Variants in CNTNAP2 observed in about 807,000 individuals in gnomAD.
CNTNAP2 encodes contactin-associated protein-like 2.
In CNTNAP2, 98 loss-of-function variants were observed where a neutral mutation model predicts 155.2. The ratio of observed to expected loss-of-function variants is 0.63; its 90% CI spans 0.54 to 0.75. The LOEUF is 0.75. CNTNAP2 is among the 30% of genes least tolerant of loss of function. CNTNAP2 has a pLI of 0.00. For missense variants in CNTNAP2, 1,727 were observed against 1,688.1 expected (o/e 1.02, Z -0.40); for synonymous variants, 651 against 631.2 (o/e 1.03, Z -0.47).
intron 9 of CNTNAP2, among the ~76,000 whole-genome samples, chr7:147,348,894 C>G (rs1056232363): frequency 6.6e-6 from 1 of 151,894 alleles, no homozygotes; most frequent in African/African-American, 2.4e-5. Context: ...ATAGAAAGTT[C>G]ACCACCACAT....
intron 16 of CNTNAP2, among the ~76,000 whole-genome samples, chr7:148,129,882 A>G (rs1030362677): frequency 6.6e-6 from 1 of 152,224 alleles, no homozygotes; most frequent in African/African-American, 2.4e-5. Flanking sequence ...TTTTCATGCC[A>G]GGGTTCTCAG....
intron 13 of CNTNAP2, among the ~76,000 whole-genome samples, chr7:147,848,552 G>A (rs916784131): frequency 8.6e-5 from 13 of 151,478 alleles, no homozygotes; most frequent in East Asian, 2.0e-4. Context: ...GAAATCACCC[G>A]TCTTCTGCGT....
intron 13 of CNTNAP2, among the ~76,000 whole-genome samples, chr7:147,711,572 G>C (rs1448440011): frequency 6.6e-6 from 1 of 152,148 alleles, no homozygotes; most frequent in South Asian, 2.1e-4. Context: ...GGAGCATGTG[G>C]CAATCCAGAC....
At chr7:146,407,528 G>T (rs773433071) in intron 1 of CNTNAP2, among the ~76,000 whole-genome samples, 3 of 152,238 alleles carry the variant, frequency 2.0e-5, no homozygotes, top group South Asian at 4.2e-4. Context: ...ATTTTGGTGT[G>T]CCACGGCTAC....
chr7:148,256,774 C>T (rs368743313), intron 20 of CNTNAP2, among the ~76,000 whole-genome samples: 1 of 152,116 alleles, frequency 6.6e-6, no homozygotes, highest in African/African-American at 2.4e-5. Context: ...GCTCTTGGAC[C>T]GGAGAGCCCC....
At chr7:146,375,337 G>C (rs1795290414) in intron 1 of CNTNAP2, among the ~76,000 whole-genome samples, 1 of 152,222 alleles carries the variant, frequency 6.6e-6, no homozygotes, top group Non-Finnish European at 1.5e-5. Context: ...GACATCTGCA[G>C]AGACATGCGG....
intron 13 of CNTNAP2, among the ~76,000 whole-genome samples, chr7:147,819,432 C>A (rs999830857): frequency 2.6e-5 from 4 of 152,106 alleles, no homozygotes; most frequent in African/African-American, 7.2e-5. Context: ...ATAATGAATT[C>A]TGTATTCCAG....
chr7:147,096,236 G>A (rs1800529399), intron 4 of CNTNAP2, among the ~76,000 whole-genome samples: 1 of 152,214 alleles, frequency 6.6e-6, no homozygotes, highest in African/African-American at 2.4e-5. Context: ...ATGTGGGCCA[G>A]TAGCTAGCAG....
In CNTNAP2 at chr7:148,405,420, A is replaced by ATTTTT. The variant is rs36020816; in HGVS notation, c.3716-3949_3716-3945dup. On this transcript the variant is annotated intron_variant, in intron 22 of 23. Transcript: ENST00000361727. ...TCAAGGGAACCAGATTACCATTGTA[A>ATTTTT]TTTTTTTTTTTTTTTTTTTTTTTTT... Among the ~76,000 whole-genome samples the ATTTTT allele has an allele frequency of 2.5e-3, 160 of 64,308 alleles. 40 individuals carry two copies. The highest frequency in any genetic ancestry group is 0.012 in the African/African-American group (148 of 12,654). The allele number at this position is 64,308 out of a possible 152,430, so 42.2% of individuals were successfully genotyped here.
intron 8 of CNTNAP2, among the ~76,000 whole-genome samples, chr7:147,234,829 GT>G: frequency 6.6e-6 from 1 of 152,230 alleles, no homozygotes; most frequent in Middle Eastern, 3.4e-3. Context: ...TTAGTTTCAA[GT>G]TTTGCATCTT....
At chr7:146,220,217 T>C (rs766216778) in intron 1 of CNTNAP2, among the ~76,000 whole-genome samples, 44 of 152,180 alleles carry the variant, frequency 2.9e-4, no homozygotes, top group Non-Finnish European at 5.1e-4. Flanking sequence ...TTTTGTGACT[T>C]TGGCGTCAAG....
chr7:147,653,620 C>T lies in CNTNAP2; in HGVS notation c.2098+14314C>T, dbSNP rs117355654. 2.5e-4 allele frequency among the ~76,000 whole-genome samples: 38 copies of T among 152,210 alleles called. No individual in the cohort carries two copies. The East Asian group carries it at 5.2e-3, about 21-fold the overall frequency. On this transcript the variant is annotated intron_variant, in intron 13 of 23. Transcript: ENST00000361727. ...GGAAGAGGCACTAGGGGAGGAACCACGCTGAGGAGCAGAAAGGAGGGCACT... is the reference window on the plus strand; with the variant it reads ...GGAAGAGGCACTAGGGGAGGAACCATGCTGAGGAGCAGAAAGGAGGGCACT...
chr7:148,090,066 A>C (rs1439677178), intron 15 of CNTNAP2, among the ~76,000 whole-genome samples: 2 of 152,030 alleles, frequency 1.3e-5, no homozygotes, highest in East Asian at 3.9e-4. Context: ...AGAAGTGTGA[A>C]ACTAGGCTCT....
chr7:147,648,925 A>G (rs1307574123), intron 13 of CNTNAP2, among the ~76,000 whole-genome samples: 1 of 152,168 alleles, frequency 6.6e-6, no homozygotes, highest in Non-Finnish European at 1.5e-5. Context: ...TTGGCCACCA[A>G]AGTGAGTATA....
intron 8 of CNTNAP2, among the ~76,000 whole-genome samples, chr7:147,279,927 C>T (rs537421776): frequency 1.4e-4 from 21 of 151,924 alleles, no homozygotes; most frequent in South Asian, 4.1e-4. Context: ...GATAGGTGGA[C>T]GGCCTAAATA....
At chr7:148,140,213 A>T (rs990367928) in intron 16 of CNTNAP2, among the ~76,000 whole-genome samples, 1 of 152,122 alleles carries the variant, frequency 6.6e-6, no homozygotes, top group Admixed American at 6.5e-5. Context: ...AACAATTTGC[A>T]TGGGGTATTG....
chr7:146,720,246 CA>C (rs1801262192), intron 1 of CNTNAP2, among the ~76,000 whole-genome samples: 1 of 152,088 alleles, frequency 6.6e-6, no homozygotes, highest in Non-Finnish European at 1.5e-5. Context: ...TTGTCTACTC[CA>C]AAATGCTGTC....
intron 1 of CNTNAP2, among the ~76,000 whole-genome samples, chr7:146,284,285 T>C (rs1227073570): frequency 1.3e-5 from 2 of 152,160 alleles, no homozygotes; most frequent in African/African-American, 4.8e-5. Context: ...AGCGCCAAAG[T>C]ATATTAAAAT....
intron 12 of CNTNAP2, among the ~76,000 whole-genome samples, chr7:147,599,669 G>T (rs1388673050): frequency 6.6e-6 from 1 of 152,054 alleles, no homozygotes; most frequent in Non-Finnish European, 1.5e-5. Context: ...CAATCCTTGA[G>T]TTCTTTGGCA....
Sources: allele counts gnomAD v4.1 joint callset (sites outside exome capture counted in the v4.1 genomes callset), GRCh38; gene constraint gnomAD v4.1.1; transcripts MANE v1.5; gene names NCBI Gene and HGNC (gene_info 2026-07-23, HGNC 2026-07-21).